Variants in PCNX3 observed in about 807,000 individuals in gnomAD.
PCNX3 encodes the protein pecanex-like protein 3.
In PCNX3, 58 loss-of-function variants were observed where a neutral mutation model predicts 207.2. That is an observed-to-expected ratio of 0.28 (90% CI 0.23 to 0.35). The LOEUF is 0.35. PCNX3 is among the 10% of genes least tolerant of loss of function. PCNX3 has a pLI of 1.00. For synonymous variants in PCNX3, 1,337 were observed against 1,183.5 expected, an observed-to-expected ratio of 1.13 and a Z score of -2.66; for missense variants, 2,410 against 2,774.4, an observed-to-expected ratio of 0.87 and a Z score of 2.95.
At chr11:65,629,083 G>A (rs913757651) in intron 24 of PCNX3, 135 bp downstream of exon 24, 32 of 1,325,894 alleles carry the variant, frequency 2.4e-5, no homozygotes, top group East Asian at 1.2e-4. Context: ...CACATGAGGC[G>A]GCAGATCCAA....
Position 65,630,352 on chromosome 11 carries a change from CACTT to C in PCNX3, c.4222_4225del (p.Tyr1408AlafsTer46). ...TGACTGCACACCCCTCCTCCACAGG[CACTT>C]ACTGCCAGCAGCGCGAGGTGGAGGC... On this transcript the variant is annotated frameshift_variant and splice_region_variant, in exon 27 of 35. Coordinates refer to ENST00000355703, the MANE Select transcript of PCNX3 (RefSeq NM_032223.4). LOFTEE classifies it high-confidence loss of function. The C allele has an allele frequency of 6.2e-7, 1 of 1,612,938 alleles. No individual in the cohort carries two copies. Among genetic ancestry groups the C allele is most frequent in the South Asian group, 1.1e-5 (1 of 91,064 alleles).
chr11:65,624,159 CG>C, intron 13 of PCNX3, 35 bp from the exon 14 acceptor site: 1 of 1,583,154 alleles, frequency 6.3e-7, no homozygotes. Flanking sequence ...TGTGGCCAGT[CG>C]GGGAGACCCA....
At chr11:65,621,741 A>G (rs1855114999) in intron 10 of PCNX3, among the ~76,000 whole-genome samples, 1 of 152,238 alleles carries the variant, frequency 6.6e-6, no homozygotes, top group African/African-American at 2.4e-5. Context: ...TGTTGAGTGA[A>G]GGATACAACA....
intron 20 of PCNX3, chr11:65,626,423 T>G: frequency 2.4e-6 from 1 of 416,942 alleles, no homozygotes; most frequent in South Asian, 2.1e-5. Flanking sequence ...TGCATAATGG[T>G]TTTTAAAAAA....
intron 14 of PCNX3, 46 bp downstream of exon 14, chr11:65,624,412 G>A (rs1439168981): frequency 5.2e-6 from 8 of 1,551,688 alleles, no homozygotes; most frequent in Non-Finnish European, 7.0e-6. Context: ...GTGAGTCCCC[G>A]AGGGTGGGCC....
At position 65,618,841 on chromosome 11, in the gene PCNX3, T is replaced by G. The variant is rs771115112; in HGVS notation, c.1479T>G (p.Ser493Arg). The G allele has an allele frequency of 5.6e-6, 9 of 1,611,134 alleles. No individual in the cohort carries two copies. The highest frequency in any genetic ancestry group is 1.7e-5 in the Admixed American group (1 of 59,772). Residue 493 changes from serine to arginine, a missense_variant, in exon 6 of 35, where the codon AGT becomes AGG. Ser to Arg is a moderately radical substitution (Grantham distance 110). Around this residue, in one of 8 missense-constraint regions of PCNX3, gnomAD observed 1,104 missense variants for 970.3 expected, o/e 1.14. Transcript: ENST00000355703. ...CATATGGGACCCAGCGGACGCCTAG[T>G]ACCGCCAGCGCTAAAACACATGCCC... is the stretch of plus-strand genomic sequence containing the variant. ...KRPYGTQRTP[S>R]TASAKTHARV...
At chr11:65,623,717 T>A in intron 12 of PCNX3, 73 bp downstream of exon 12, 1 of 1,574,348 alleles carries the variant, frequency 6.4e-7, no homozygotes, top group Non-Finnish European at 8.6e-7. Context: ...AACTCCAGTT[T>A]TAAGGAGTAT....
At chr11:65,623,083 C>G (rs4930295) in intron 11 of PCNX3, among the ~76,000 whole-genome samples, 27,270 of 152,118 alleles carry the variant, frequency 0.18, 2,733 homozygotes, top group East Asian at 0.26. Flanking sequence ...GGCCTAGAGC[C>G]CATGTGGCTT....
At chr11:65,633,011 C>G (rs1855677439) in intron 27 of PCNX3, among the ~76,000 whole-genome samples, 1 of 152,168 alleles carries the variant, frequency 6.6e-6, no homozygotes, top group South Asian at 2.1e-4. Flanking sequence ...TCCCGAAGTT[C>G]TGGGATTACA....
chr11:65,627,651 G>T, intron 22 of PCNX3, 69 bp downstream of exon 22: 1 of 1,552,798 alleles, frequency 6.4e-7, no homozygotes, highest in Non-Finnish European at 8.8e-7. Flanking sequence ...TGCCTGGGTG[G>T]GAAGAGAATT....
rs1399489607 is a variant in PCNX3 at position 65,617,030 on chromosome 11, G to T, written c.341+19G>T. On this transcript the variant is annotated intron_variant, in intron 2 of 34. Transcript: ENST00000355703. ...CACCCAGGTGGGTGGGGTAGGGGCT[G>T]TGCTGGGGATTGAGGGTTTTTGGTG... The T allele has an allele frequency of 1.9e-6, 3 of 1,586,326 alleles. No homozygotes were observed. The African/African-American group carries it at 4.0e-5, about 21-fold the overall frequency.
chr11:65,616,132 G>A lies in PCNX3; in HGVS notation c.-180G>A. ...CGGGCCTTGCACCACTGACTGTCCC[G>A]GCCGGCCCCGCCCCCTGCTCGCACC... On this transcript the variant is annotated 5_prime_UTR_variant, in exon 1 of 35. Coordinates refer to ENST00000355703, the MANE Select transcript of PCNX3 (RefSeq NM_032223.4). 2 of 393,646 alleles carry A rather than the reference G, an allele frequency of 5.1e-6. No individual in the cohort carries two copies. The highest frequency in any genetic ancestry group is 8.7e-6 in the Non-Finnish European group (2 of 228,574). 24.4% of individuals were successfully genotyped at this position (393,646 alleles called of 1,614,324 possible).
intron 11 of PCNX3, among the ~76,000 whole-genome samples, chr11:65,622,845 G>C (rs1396984686): frequency 6.6e-6 from 1 of 151,914 alleles, no homozygotes; most frequent in African/African-American, 2.4e-5. Context: ...CTTGTGATCT[G>C]CCCGCCTCGG....
rs1164242395 is a variant in PCNX3 at position 65,637,294 on chromosome 11, G to T, written c.*316G>T. The T allele has an allele frequency of 1.1e-5, 4 of 357,494 alleles. No homozygotes were observed. The highest frequency in any genetic ancestry group is 4.6e-5 in the East Asian group (1 of 21,568). The allele number at this position is 357,494 out of a possible 1,614,324, so 22.1% of individuals were successfully genotyped here. On this transcript the variant is annotated 3_prime_UTR_variant, in exon 35 of 35. Transcript: ENST00000355703. ...CCACCTCAGCCCCTGGGCCTGCACTGCCTGCAGGTGTGGCCCCCTTGGCCT... is the reference window on the plus strand; with the variant it reads ...CCACCTCAGCCCCTGGGCCTGCACTTCCTGCAGGTGTGGCCCCCTTGGCCT...
chr11:65,626,162 C>A, intron 20 of PCNX3, 108 bp downstream of exon 20: 1 of 1,391,116 alleles, frequency 7.2e-7, no homozygotes, highest in Non-Finnish European at 9.9e-7. Context: ...GGGGCACTCG[C>A]TGCCCACACT....
rs376144545 is a variant in PCNX3 at position 65,627,061 on chromosome 11, C to T, written c.3524+13C>T. Reference sequence around the variant, plus strand: ...AGTACTGCTTCTAGTGAGGACCACCCCACCCTCAACGATCCCATCATCCGC... The same window carrying T: ...AGTACTGCTTCTAGTGAGGACCACCTCACCCTCAACGATCCCATCATCCGC... On this transcript the variant is annotated intron_variant, in intron 21 of 34. Coordinates refer to ENST00000355703, the MANE Select transcript of PCNX3 (RefSeq NM_032223.4). The T allele has an allele frequency of 3.4e-6, 5 of 1,476,992 alleles. No individual in the cohort carries two copies. The highest frequency in any genetic ancestry group is 1.4e-5 in the South Asian group (1 of 73,614). 91.5% of individuals were successfully genotyped at this position (1,476,992 alleles called of 1,614,324 possible). A position where few individuals can be genotyped will look rare whatever the true frequency, so the allele number is the denominator to read the frequency against.
rs764530903 is a variant in PCNX3 at position 65,625,374 on chromosome 11, C to T, written c.3030-31C>T. Reference sequence around the variant, plus strand: ...GACTGGGGCCGGGGGGAAGGAGGGGCGGCCTCCTCCTGACTCTTCCTCACC... The same window carrying T: ...GACTGGGGCCGGGGGGAAGGAGGGGTGGCCTCCTCCTGACTCTTCCTCACC... On this transcript the variant is annotated intron_variant, in intron 17 of 34. Coordinates refer to ENST00000355703, the MANE Select transcript of PCNX3 (RefSeq NM_032223.4). This position sits in a 1 kb window ranked among gnomAD's most constrained non-coding sequence, Gnocchi z 5.6. The T allele has an allele frequency of 2.0e-5, 32 of 1,592,170 alleles. No individual in the cohort carries two copies. Among genetic ancestry groups the T allele is most frequent in the South Asian group, 9.9e-5 (9 of 90,728 alleles).
intron 12 of PCNX3, 41 bp downstream of exon 12, chr11:65,623,685 T>A: frequency 6.3e-7 from 1 of 1,597,918 alleles, no homozygotes; most frequent in Non-Finnish European, 8.5e-7. Context: ...CACCCGACTT[T>A]TCCCAAGATT....
Position 65,624,248 on chromosome 11 carries a change from T to C in PCNX3, c.2598T>C (p.Cys866=), listed in dbSNP as rs1178948951. 3 of 1,607,028 alleles carry C rather than the reference T, an allele frequency of 1.9e-6. No homozygotes were observed. The highest frequency in any genetic ancestry group is 2.5e-6 in the Non-Finnish European group (3 of 1,176,888). Residue 866 remains cysteine (C), a synonymous_variant, in exon 14 of 35, where the codon TGT becomes TGC. Coordinates refer to ENST00000355703, the MANE Select transcript of PCNX3 (RefSeq NM_032223.4). ...GTCCTGTCTACTTCTGCATCTGCTG[T>C]CTGCTCATCTGGCTGCTGGACGCCC... ...YSRPVYFCIC[C]LLIWLLDALG...
Sources: allele counts gnomAD v4.1 joint callset (sites outside exome capture counted in the v4.1 genomes callset), GRCh38; gene constraint gnomAD v4.1.1; regional missense constraint gnomAD v4.1.1; non-coding constraint Gnocchi (gnomAD v3.1); transcripts MANE v1.5; gene names NCBI Gene and HGNC (gene_info 2026-07-23, HGNC 2026-07-21).